The following RALYL variants were observed in gnomAD, a reference collection of about 807,000 sequenced individuals.
RALYL encodes the protein RNA-binding Raly-like protein.
In RALYL, 29 loss-of-function variants were observed where a neutral mutation model predicts 35.1. The ratio of observed to expected loss-of-function variants is 0.83; its 90% CI spans 0.61 to 1.13. RALYL has a LOEUF of 1.13. Ranked by LOEUF, RALYL falls within the 50% of genes most tolerant of loss-of-function variation. RALYL has a pLI of 0.00. For synonymous variants in RALYL, 120 were observed against 127.6 expected, an observed-to-expected ratio of 0.94 and a Z score of 0.40; for missense variants, 359 against 360.4, an observed-to-expected ratio of 1.00 and a Z score of 0.03.
intron 1 of RALYL, among the ~76,000 whole-genome samples, chr8:84,461,076 C>T (rs1474233843): frequency 6.6e-6 from 1 of 151,538 alleles, no homozygotes; most frequent in Non-Finnish European, 1.5e-5. Flanking sequence ...GCATTATTTA[C>T]ATTTGAGCAA....
At position 84,615,118 on chromosome 8, in the gene RALYL, A is replaced by G. The variant is rs772501587; in HGVS notation, c.256+85541A>G. 6.6e-5 allele frequency among the ~76,000 whole-genome samples: 10 copies of G among 151,860 alleles called. No homozygotes were observed. In the South Asian group the frequency reaches 8.3e-4, roughly 13 times the overall value. ...CAATATGTGTGCTTTTTTAAGCAGC[A>G]CTTTTTCATGAAGTTGCACTTTAAG... On this transcript the variant is annotated intron_variant, in intron 2 of 8. Transcript: ENST00000521268.
At chr8:84,503,252 AT>A (rs1395871580) in intron 1 of RALYL, among the ~76,000 whole-genome samples, 2 of 151,548 alleles carry the variant, frequency 1.3e-5, no homozygotes, top group African/African-American at 4.9e-5. Context: ...AGCTCAAGGG[AT>A]TCTTCAGCCT....
intron 2 of RALYL, among the ~76,000 whole-genome samples, chr8:84,722,348 T>G (rs1844085691): frequency 6.6e-6 from 1 of 151,948 alleles, no homozygotes; most frequent in Non-Finnish European, 1.5e-5. Flanking sequence ...CAAAATATTG[T>G]ATGGTTGATA....
At chr8:84,424,609 G>A (rs1420321311) in intron 1 of RALYL, among the ~76,000 whole-genome samples, 1 of 151,478 alleles carries the variant, frequency 6.6e-6, no homozygotes, top group Non-Finnish European at 1.5e-5. Flanking sequence ...GCGTTCCTTT[G>A]GAGGAGGAGA....
At chr8:84,796,987 A>T (rs1822081045) in intron 3 of RALYL, among the ~76,000 whole-genome samples, 1 of 152,202 alleles carries the variant, frequency 6.6e-6, no homozygotes, top group Non-Finnish European at 1.5e-5. Flanking sequence ...AGACTCCGTC[A>T]CTTTGCTGTG....
rs144617935 is a variant in RALYL at position 84,794,249 on chromosome 8, G to A, written c.333-10521G>A. ...GGCGATCAAAAGACTACAGAGTATTGACTCTTATATCTTCATCTTAAAGTG... is the reference window on the plus strand; with the variant it reads ...GGCGATCAAAAGACTACAGAGTATTAACTCTTATATCTTCATCTTAAAGTG... On this transcript the variant is annotated intron_variant, in intron 3 of 8. Transcript: ENST00000521268. Among the ~76,000 whole-genome samples, 217 of 152,324 alleles carry A rather than the reference G, an allele frequency of 1.4e-3. 1 individual carries two copies. The highest frequency in any genetic ancestry group is 2.7e-3 in the Non-Finnish European group (186 of 68,032).
intron 1 of RALYL, among the ~76,000 whole-genome samples, chr8:84,503,806 G>T (rs1315001365): frequency 6.6e-6 from 1 of 151,484 alleles, no homozygotes; most frequent in Non-Finnish European, 1.5e-5. Context: ...CGGCTTGAGT[G>T]CAGTGAGCCA....
intron 2 of RALYL, among the ~76,000 whole-genome samples, chr8:84,671,646 G>A (rs1445242069): frequency 4.6e-5 from 7 of 152,182 alleles, no homozygotes; most frequent in Non-Finnish European, 1.0e-4. Flanking sequence ...CTGAAGCCCT[G>A]ACCTGAGCTG....
In RALYL at chr8:84,694,922, A is replaced by C. The variant is rs148270857; in HGVS notation, c.257-79657A>C. On this transcript the variant is annotated intron_variant, in intron 2 of 8. Coordinates refer to ENST00000521268, the MANE Select transcript of RALYL (RefSeq NM_173848.7). ...CACTATACTTGTCATTATTCTAAGC[A>C]CTTTTTATGTATTAACTCATTTAAT... Among the ~76,000 whole-genome samples the C allele has an allele frequency of 3.6e-3, 543 of 151,856 alleles. 6 individuals are homozygous for C. Among genetic ancestry groups the C allele is most frequent in the African/African-American group, 0.013 (521 of 41,518 alleles).
intron 4 of RALYL, among the ~76,000 whole-genome samples, chr8:84,819,110 C>A (rs1164147455): frequency 6.6e-6 from 1 of 152,126 alleles, no homozygotes; most frequent in Admixed American, 6.6e-5. Flanking sequence ...AGCCAATTTT[C>A]TTCTAAAAAT....
chr8:84,700,524 A>G (rs1840002577), intron 2 of RALYL, among the ~76,000 whole-genome samples: 2 of 152,132 alleles, frequency 1.3e-5, no homozygotes, highest in African/African-American at 4.8e-5. Flanking sequence ...GCAACAGTCA[A>G]GAATAAAGAA....
chr8:84,768,337 A>C (rs556509400), intron 2 of RALYL, among the ~76,000 whole-genome samples: 9 of 152,276 alleles, frequency 5.9e-5, no homozygotes, highest in African/African-American at 1.9e-4. Context: ...TCTTGTATTT[A>C]TAAAGTTCAA....
intron 2 of RALYL, among the ~76,000 whole-genome samples, chr8:84,565,131 G>A (rs1193771416): frequency 6.6e-6 from 1 of 151,538 alleles, no homozygotes; most frequent in African/African-American, 2.4e-5. Flanking sequence ...GAATGGAACA[G>A]TATTAAATTA....
intron 2 of RALYL, among the ~76,000 whole-genome samples, chr8:84,760,050 C>G (rs902301896): frequency 6.6e-6 from 1 of 152,036 alleles, no homozygotes; most frequent in East Asian, 1.9e-4. Flanking sequence ...ATGCCAAAAC[C>G]CTTTTAATAT....
Position 84,752,396 on chromosome 8 carries a change from T to TA in RALYL, c.257-22179dup, listed in dbSNP as rs1409651729. 7.2e-5 allele frequency among the ~76,000 whole-genome samples: 11 copies of TA among 152,282 alleles called. No homozygotes were observed. The East Asian group carries it at 2.1e-3, about 29-fold the overall frequency. ...TTATATTTAAAAGGGAAGCAGAGCA[T>TA]AAAATTTGAAAAATTTGCAACCTGG... is the stretch of plus-strand genomic sequence containing the variant. On this transcript the variant is annotated intron_variant, in intron 2 of 8. Coordinates refer to ENST00000521268, the MANE Select transcript of RALYL (RefSeq NM_173848.7).
At chr8:84,638,568 T>G (rs1564287791) in intron 2 of RALYL, among the ~76,000 whole-genome samples, 1 of 151,646 alleles carries the variant, frequency 6.6e-6, no homozygotes, top group Non-Finnish European at 1.5e-5. Flanking sequence ...TTAACAAGAT[T>G]AACCAAGAAA....
intron 1 of RALYL, among the ~76,000 whole-genome samples, chr8:84,519,699 T>C (rs1587936559): frequency 6.6e-6 from 1 of 152,256 alleles, no homozygotes; most frequent in East Asian, 1.9e-4. Context: ...AAATGAGAAA[T>C]CTCCTAAATG....
chr8:84,597,516 T>G (rs999527267), intron 2 of RALYL, among the ~76,000 whole-genome samples: 2 of 152,158 alleles, frequency 1.3e-5, no homozygotes, highest in Non-Finnish European at 2.9e-5. Context: ...AATAGGTTTC[T>G]GTGACTCCAG....
intron 2 of RALYL, among the ~76,000 whole-genome samples, chr8:84,774,044 C>T (rs547435694): frequency 3.3e-5 from 5 of 152,224 alleles, no homozygotes; most frequent in Admixed American, 6.5e-5. Flanking sequence ...CTAGCCAGAC[C>T]TCATTTCTAC....
Sources: allele counts gnomAD v4.1 joint callset (sites outside exome capture counted in the v4.1 genomes callset), GRCh38; gene constraint gnomAD v4.1.1; transcripts MANE v1.5; gene names NCBI Gene and HGNC (gene_info 2026-07-23, HGNC 2026-07-21).